Variants in NCOA7 observed in about 807,000 individuals in gnomAD.
NCOA7 encodes 140 kDa estrogen receptor-associated protein.
Under a neutral mutation model 104.3 loss-of-function variants are expected in NCOA7, and 45 were observed. That is an observed-to-expected ratio of 0.43 (90% CI 0.34 to 0.55). The LOEUF (loss-of-function observed/expected upper bound fraction) is 0.55, where lower values mean the gene tolerates loss of function less well. Ranked by LOEUF, NCOA7 falls within the 20% of genes least tolerant of loss-of-function variation. The probability of loss-of-function intolerance (pLI) is 0.02; values close to 1 mark genes in which losing one functional copy is unlikely to be tolerated. For synonymous variants in NCOA7, 398 were observed against 402.3 expected (o/e 0.99, Z 0.13); for missense variants, 1,041 against 1,119.7 (o/e 0.93, Z 1.00).
chr6:125,876,082 T>G (rs1222239763), intron 4 of NCOA7, among the ~76,000 whole-genome samples: 1 of 152,250 alleles, frequency 6.6e-6, no homozygotes, highest in Non-Finnish European at 1.5e-5. Context: ...AATTAAGTAC[T>G]ATTGCCATTG....
chr6:125,821,904 C>T (rs571249340), intron 2 of NCOA7, among the ~76,000 whole-genome samples: 1 of 152,302 alleles, frequency 6.6e-6, no homozygotes, highest in South Asian at 2.1e-4. Context: ...CAGTGGAAGG[C>T]ATCACGTGGA....
At chr6:125,839,491 G>A (rs1460191172) in intron 2 of NCOA7, among the ~76,000 whole-genome samples, 1 of 151,750 alleles carries the variant, frequency 6.6e-6, no homozygotes, top group Non-Finnish European at 1.5e-5. Flanking sequence ...GGGGCTGAAA[G>A]TTCCAACCTT....
At chr6:125,834,117 A>C (rs1350344971) in intron 2 of NCOA7, among the ~76,000 whole-genome samples, 1 of 152,204 alleles carries the variant, frequency 6.6e-6, no homozygotes, top group African/African-American at 2.4e-5. Context: ...ACAGTGGAAG[A>C]GTATTAACAG....
intron 2 of NCOA7, among the ~76,000 whole-genome samples, chr6:125,819,153 C>G (rs1777904023): frequency 6.6e-6 from 1 of 152,020 alleles, no homozygotes; most frequent in Admixed American, 6.5e-5. Flanking sequence ...CCAATGTTTT[C>G]TTTGTGTGCT....
chr6:125,867,767 CTG>C (rs1247939175), intron 3 of NCOA7, among the ~76,000 whole-genome samples: 1 of 152,188 alleles, frequency 6.6e-6, no homozygotes, highest in Admixed American at 6.5e-5. Flanking sequence ...ACCTTAAACA[CTG>C]TGCTAGAATT....
At chr6:125,923,146 G>C (rs372329272) in intron 13 of NCOA7, among the ~76,000 whole-genome samples, 1 of 152,138 alleles carries the variant, frequency 6.6e-6, no homozygotes, top group South Asian at 2.1e-4. Context: ...ATATCCCACA[G>C]CCTAAAAACT....
chr6:125,808,451 T>C (rs915660659), intron 1 of NCOA7, among the ~76,000 whole-genome samples: 1 of 152,222 alleles, frequency 6.6e-6, no homozygotes, highest in Non-Finnish European at 1.5e-5. Context: ...TGATGAATGC[T>C]GTCTTCATCT....
chr6:125,799,027 G>A (rs1272527965), intron 1 of NCOA7, among the ~76,000 whole-genome samples: 1 of 152,058 alleles, frequency 6.6e-6, no homozygotes, highest in Non-Finnish European at 1.5e-5. Flanking sequence ...TCAAGAATAA[G>A]CAGACCAAGT....
chr6:125,901,373 G>C (rs1226048759), intron 10 of NCOA7, among the ~76,000 whole-genome samples: 1 of 152,188 alleles, frequency 6.6e-6, no homozygotes, highest in Non-Finnish European at 1.5e-5. Context: ...TAACTGTTCT[G>C]GGTTATTTTG....
At chr6:125,899,091 A>T (rs1015098346) in intron 10 of NCOA7, among the ~76,000 whole-genome samples, 1 of 152,196 alleles carries the variant, frequency 6.6e-6, no homozygotes, top group African/African-American at 2.4e-5. Context: ...TTCTATTCAC[A>T]TGCATTTAGT....
chr6:125,891,407 A>G (rs1207642620), intron 10 of NCOA7, among the ~76,000 whole-genome samples: 1 of 152,246 alleles, frequency 6.6e-6, no homozygotes, highest in Non-Finnish European at 1.5e-5. Flanking sequence ...TCAACAGTAT[A>G]TCACTGAGGA....
chr6:125,805,102 T>TC (rs1210899966), intron 1 of NCOA7, among the ~76,000 whole-genome samples: 5 of 142,392 alleles, frequency 3.5e-5, no homozygotes, highest in Non-Finnish European at 7.7e-5. Context: ...TTTTTTTTTT[T>TC]TTTTTTTTTT....
upstream of NCOA7, among the ~76,000 whole-genome samples, chr6:125,789,316 C>A (rs550598325): frequency 1.3e-5 from 2 of 152,332 alleles, no homozygotes; most frequent in East Asian, 1.9e-4. Flanking sequence ...TCACACCCAA[C>A]CTTCAATTTG....
At chr6:125,848,126 C>T (rs979640106) in intron 2 of NCOA7, among the ~76,000 whole-genome samples, 7 of 152,052 alleles carry the variant, frequency 4.6e-5, no homozygotes, top group East Asian at 1.9e-4. Context: ...GTTATAATGG[C>T]GATCATTAAA....
At chr6:125,899,081 T>G (rs1785280435) in intron 10 of NCOA7, among the ~76,000 whole-genome samples, 1 of 152,188 alleles carries the variant, frequency 6.6e-6, no homozygotes, top group Non-Finnish European at 1.5e-5. Context: ...CCATTAAATA[T>G]TCTATTCACA....
intron 10 of NCOA7, among the ~76,000 whole-genome samples, chr6:125,892,267 A>G (rs1487194283): frequency 5.3e-5 from 8 of 152,184 alleles, no homozygotes; most frequent in Non-Finnish European, 8.8e-5. Context: ...AACTGTCTGC[A>G]CCAAGGACTC....
chr6:125,915,563 G>A, intron 11 of NCOA7, 83 bp downstream of exon 11: 2 of 1,534,400 alleles, frequency 1.3e-6, no homozygotes, highest in Non-Finnish European at 1.8e-6. Context: ...GTAACAGGCT[G>A]GTAAGAAACT....
chr6:125,839,609 CTT>C (rs1779950305), intron 2 of NCOA7, among the ~76,000 whole-genome samples: 1 of 152,102 alleles, frequency 6.6e-6, no homozygotes. Flanking sequence ...AAAAGACGCT[CTT>C]TATCACTCAC....
chr6:125,821,823 A>G lies in NCOA7; in HGVS notation c.50+6419A>G, dbSNP rs1199955312. On this transcript the variant is annotated intron_variant, in intron 2 of 15. Coordinates refer to ENST00000392477, the MANE Select transcript of NCOA7 (RefSeq NM_181782.5). ...GAAAAGAGCAGTTGCCCATGATAGA[A>G]ATGAATGCAGAAATAATTCTGTACA... Among the ~76,000 whole-genome samples the G allele has an allele frequency of 2.0e-5, 3 of 151,878 alleles. 1 individual carries two copies. Among genetic ancestry groups the G allele is most frequent in the African/African-American group, 7.3e-5 (3 of 41,142 alleles).
Sources: gnomAD v4.1 joint callset for allele counts (sites outside exome capture counted in the v4.1 genomes callset) on GRCh38, gnomAD v4.1.1 for gene constraint, MANE v1.5 for transcripts, NCBI Gene and HGNC (gene_info 2026-07-23, HGNC 2026-07-21) for gene names.